The following NSL1 variants were observed in gnomAD, a reference collection of about 807,000 sequenced individuals.
NSL1 encodes kinetochore-associated protein NSL1 homolog.
Under a neutral mutation model 25.4 loss-of-function variants are expected in NSL1, and 11 were observed. The observed-to-expected ratio is 0.43, with a 90% CI of 0.27 to 0.72. The LOEUF (loss-of-function observed/expected upper bound fraction) is 0.72, where lower values mean the gene tolerates loss of function less well. NSL1 is among the 30% of genes least tolerant of loss of function. The pLI is 0.19. For missense variants in NSL1, 330 were observed against 342.7 expected (o/e 0.96, Z 0.29); for synonymous variants, 118 against 120.6 (o/e 0.98, Z 0.14).
Position 212,743,385 on chromosome 1 carries a change from G to A in NSL1, c.500-3784C>T, listed in dbSNP as rs950748238. Among the ~76,000 whole-genome samples the A allele has an allele frequency of 7.3e-5, 11 of 151,242 alleles. 1 individual carries two copies. Among genetic ancestry groups the A allele is most frequent in the Admixed American group, 6.6e-4 (10 of 15,170 alleles). On this transcript the variant is annotated intron_variant, in intron 4 of 5. Coordinates refer to ENST00000366977, the MANE Select transcript of NSL1 (RefSeq NM_015471.4). ...TCACCATGTTAGCCAGAATGGCCTC[G>A]ATCTCTTGACCTTGTGATCCGCCCG...
intron 4 of NSL1, among the ~76,000 whole-genome samples, chr1:212,770,715 T>A (rs80315590): frequency 0.023 from 3,469 of 152,202 alleles, 63 homozygotes; most frequent in South Asian, 0.042. Context: ...ATTACCCTAA[T>A]ACTAAAACCA....
chr1:212,750,903 T>G (rs1311642421), intron 4 of NSL1, among the ~76,000 whole-genome samples: 1 of 152,068 alleles, frequency 6.6e-6, no homozygotes, highest in Non-Finnish European at 1.5e-5. Context: ...ATAGCGCCAC[T>G]GCACTCCAGC....
chr1:212,769,702 T>C (rs1473051473), intron 4 of NSL1, among the ~76,000 whole-genome samples: 2 of 151,904 alleles, frequency 1.3e-5, no homozygotes, highest in East Asian at 3.9e-4. Context: ...AGAACAGACA[T>C]ACAAACGAGA....
At chr1:212,749,237 T>C (rs760724437) in intron 4 of NSL1, among the ~76,000 whole-genome samples, 21 of 151,986 alleles carry the variant, frequency 1.4e-4, no homozygotes, top group South Asian at 4.1e-4. Flanking sequence ...CTTTTATGAA[T>C]AGGGTAAGGT....
At chr1:212,788,232 G>T (rs375094963) in intron 1 of NSL1, among the ~76,000 whole-genome samples, 1 of 152,206 alleles carries the variant, frequency 6.6e-6, no homozygotes, top group African/African-American at 2.4e-5. Context: ...GCAACACACT[G>T]AGACAACCTT....
chr1:212,739,795 A>C (rs2102429273), intron 4 of NSL1, among the ~76,000 whole-genome samples, 194 bp from the exon 5 acceptor site: 1 of 152,356 alleles, frequency 6.6e-6, no homozygotes. Context: ...TAAGCATAAG[A>C]TGGTACACAA....
intron 4 of NSL1, among the ~76,000 whole-genome samples, chr1:212,745,163 T>C (rs200712810): frequency 4.3e-4 from 6 of 14,032 alleles, no homozygotes; most frequent in Non-Finnish European, 6.3e-4. Flanking sequence ...AAACAAACTA[T>C]ATATATATAT....
At position 212,732,205 on chromosome 1, in the gene NSL1, T is replaced by A. The variant is rs115408873; in HGVS notation, c.*6203A>T. 502 of 983,242 alleles carry A rather than the reference T, an allele frequency of 5.1e-4. 3 individuals carry two copies. In the African/African-American group the frequency reaches 8.3e-3, roughly 16 times the overall value. 60.9% of individuals were successfully genotyped at this position (983,242 alleles called of 1,614,324 possible). A position where few individuals can be genotyped will look rare whatever the true frequency, so the allele number is the denominator to read the frequency against. ...TTTTTTGTTTCTTTGAACATCTTAATCATATTACAAAACATCTCCTTTATA... is the reference window on the plus strand; with the variant it reads ...TTTTTTGTTTCTTTGAACATCTTAAACATATTACAAAACATCTCCTTTATA... On this transcript the variant is annotated 3_prime_UTR_variant, in exon 6 of 6. Transcript: ENST00000366977.
At chr1:212,787,833 AT>A (rs1661007442) in intron 1 of NSL1, among the ~76,000 whole-genome samples, 196 bp from the exon 2 acceptor site, 1 of 152,186 alleles carries the variant, frequency 6.6e-6, no homozygotes, top group African/African-American at 2.4e-5. Flanking sequence ...TCTCATAGCC[AT>A]TATGCTACCC....
intron 4 of NSL1, among the ~76,000 whole-genome samples, chr1:212,754,049 G>A (rs538446986): frequency 6.6e-6 from 1 of 152,258 alleles, no homozygotes; most frequent in East Asian, 1.9e-4. Flanking sequence ...ATCTGGAGAG[G>A]TAGGTAGGGG....
intron 4 of NSL1, among the ~76,000 whole-genome samples, chr1:212,750,284 C>T (rs1659006633): frequency 6.6e-6 from 1 of 151,826 alleles, no homozygotes; most frequent in Non-Finnish European, 1.5e-5. Context: ...AGAAAGTTGC[C>T]TTAATAGAGG....
rs1196896606 is a variant in NSL1 at position 212,729,658 on chromosome 1, T to C, written c.*8750A>G. 1 of 985,414 alleles carries C rather than the reference T, an allele frequency of 1.0e-6. No individual in the cohort carries two copies. Among genetic ancestry groups the C allele is most frequent in the East Asian group, 1.1e-4 (1 of 8,814 alleles). 61.0% of individuals were successfully genotyped at this position (985,414 alleles called of 1,614,324 possible). A position where few individuals can be genotyped will look rare whatever the true frequency, so the allele number is the denominator to read the frequency against. On this transcript the variant is annotated 3_prime_UTR_variant, in exon 6 of 6. Coordinates refer to ENST00000366977, the MANE Select transcript of NSL1 (RefSeq NM_015471.4). ...AAGTCAGAGAGAATTCGAACACTTA[T>C]TTTAACCTTTTCACCAAATTTTTGT...
chr1:212,758,980 A>T (rs1176462305), intron 4 of NSL1, among the ~76,000 whole-genome samples: 1 of 152,232 alleles, frequency 6.6e-6, no homozygotes, highest in Non-Finnish European at 1.5e-5. Context: ...AGAAATCTAC[A>T]TATTACAGTC....
chr1:212,774,405 A>C (rs565575464), intron 4 of NSL1, among the ~76,000 whole-genome samples: 1 of 152,312 alleles, frequency 6.6e-6, no homozygotes, highest in African/African-American at 2.4e-5. Flanking sequence ...ATTTAAGGAA[A>C]GTGAGAATGA....
chr1:212,757,419 G>A (rs192967119), intron 4 of NSL1, among the ~76,000 whole-genome samples: 1 of 152,262 alleles, frequency 6.6e-6, no homozygotes, highest in East Asian at 1.9e-4. Context: ...GTGTTAGTCT[G>A]TTTTATTACT....
chr1:212,738,742 G>A, intron 5 of NSL1, 56 bp from the exon 6 acceptor site: 2 of 1,423,476 alleles, frequency 1.4e-6, no homozygotes, highest in South Asian at 1.3e-5. Flanking sequence ...AACACAAACA[G>A]ACAAAGATGG....
chr1:212,774,205 T>C (rs141367388), intron 4 of NSL1, among the ~76,000 whole-genome samples: 2 of 152,202 alleles, frequency 1.3e-5, no homozygotes, highest in African/African-American at 2.4e-5. Flanking sequence ...TGATTAAAAA[T>C]AATATGTCAT....
chr1:212,753,205 C>A (rs1207702363), intron 4 of NSL1, among the ~76,000 whole-genome samples: 1 of 152,222 alleles, frequency 6.6e-6, no homozygotes, highest in Non-Finnish European at 1.5e-5. Flanking sequence ...TCCTTCAGTA[C>A]CATGTTGCAC....
At chr1:212,762,322 A>AG (rs1553252917) in intron 4 of NSL1, among the ~76,000 whole-genome samples, 2 of 150,200 alleles carry the variant, frequency 1.3e-5, no homozygotes, top group Non-Finnish European at 2.9e-5. Flanking sequence ...AAAAAAAAAA[A>AG]AAAAGAAAAG....
Sources: gnomAD v4.1 joint callset for allele counts (sites outside exome capture counted in the v4.1 genomes callset) on GRCh38, gnomAD v4.1.1 for gene constraint, MANE v1.5 for transcripts, NCBI Gene and HGNC (gene_info 2026-07-23, HGNC 2026-07-21) for gene names.